The following GPHN variants were observed in gnomAD, a reference collection of about 807,000 sequenced individuals.
GPHN encodes the protein gephyrin.
In GPHN, 17 loss-of-function variants were observed where a neutral mutation model predicts 95.5. The observed-to-expected ratio is 0.18, with a 90% CI of 0.12 to 0.27. The LOEUF is 0.27. Among genes scored for constraint, GPHN ranks in the 10% least tolerant of loss-of-function variants. GPHN has a pLI of 1.00. For missense variants in GPHN, 660 were observed against 978.1 expected, an observed-to-expected ratio of 0.67 and a Z score of 4.34; for synonymous variants, 320 against 322.5, an observed-to-expected ratio of 0.99 and a Z score of 0.08.
chr14:66,751,700 C>G (rs930972694), intron 2 of GPHN, among the ~76,000 whole-genome samples: 2 of 151,768 alleles, frequency 1.3e-5, no homozygotes, highest in African/African-American at 2.4e-5. Flanking sequence ...TTTGTAGAGC[C>G]CTGCAGGATA....
the GPHN span, among the ~76,000 whole-genome samples, chr14:67,522,838 G>A: frequency 6.6e-6 from 1 of 152,136 alleles, no homozygotes; most frequent in Non-Finnish European, 1.5e-5. Context: ...TACCCTCCTT[G>A]TCCTGGACCT....
intron 1 of GPHN, among the ~76,000 whole-genome samples, chr14:66,578,432 T>C (rs1595057081): frequency 1.3e-5 from 2 of 151,686 alleles, no homozygotes; most frequent in Non-Finnish European, 2.9e-5. Flanking sequence ...ATTCATAAAC[T>C]AGGGACAGAT....
Position 66,774,297 on chromosome 14 carries a change from C to T in GPHN, c.144-2167C>T, listed in dbSNP as rs558105017. Reference sequence around the variant, plus strand: ...GATTACAGGCATGAGCCACCGCGCCCGGCCATATCTACAAGGTTTTAATGT... The same window carrying T: ...GATTACAGGCATGAGCCACCGCGCCTGGCCATATCTACAAGGTTTTAATGT... On this transcript the variant is annotated intron_variant, in intron 2 of 22. Transcript: ENST00000478722. 2.0e-3 allele frequency among the ~76,000 whole-genome samples: 297 copies of T among 152,200 alleles called. 1 individual carries two copies. Among genetic ancestry groups the T allele is most frequent in the African/African-American group, 6.6e-3 (273 of 41,540 alleles).
chr14:67,224,259 C>CTTTT, the GPHN span, among the ~76,000 whole-genome samples: 1 of 134,800 alleles, frequency 7.4e-6, no homozygotes, highest in Admixed American at 7.5e-5. Context: ...TCTCTCTTTT[C>CTTTT]TTTTTTTTTT....
the GPHN span, among the ~76,000 whole-genome samples, chr14:67,346,387 C>T: frequency 6.6e-6 from 1 of 152,254 alleles, no homozygotes; most frequent in African/African-American, 2.4e-5. Context: ...TCTCAGCTCA[C>T]TGTAAGCTCC....
At chr14:66,914,136 C>A (rs2153557281) in intron 5 of GPHN, among the ~76,000 whole-genome samples, 1 of 152,040 alleles carries the variant, frequency 6.6e-6, no homozygotes, top group Middle Eastern at 3.4e-3. Context: ...TGCATACATA[C>A]ACACACACAG....
At chr14:67,260,072 T>G in the GPHN span, among the ~76,000 whole-genome samples, 1 of 152,298 alleles carries the variant, frequency 6.6e-6, no homozygotes, top group Admixed American at 6.5e-5. Flanking sequence ...AAGGAAAATA[T>G]TAGTTTAATA....
chr14:66,636,979 T>C (rs1222090889), intron 1 of GPHN, among the ~76,000 whole-genome samples: 3 of 152,180 alleles, frequency 2.0e-5, no homozygotes, highest in African/African-American at 7.2e-5. Context: ...GAACAGGATA[T>C]AGGAATCTCC....
At chr14:67,648,478 TA>T in the GPHN span, 1 of 225,452 alleles carries the variant, frequency 4.4e-6, no homozygotes, top group African/African-American at 2.3e-5. Flanking sequence ...TTGAGTTATC[TA>T]AAGGCAGATT....
At chr14:67,277,811 C>T in the GPHN span, among the ~76,000 whole-genome samples, 1 of 152,072 alleles carries the variant, frequency 6.6e-6, no homozygotes, top group South Asian at 2.1e-4. Context: ...AAACTCAGAA[C>T]TGTCAATCCT....
chr14:66,616,340 C>T lies in GPHN; in HGVS notation c.65-64767C>T, dbSNP rs574910251. ...CATTTTTTCATTGATTCTTTCTCAT[C>T]TTTGTGAGTTTGTCCAGTTTGATCT... On this transcript the variant is annotated intron_variant, in intron 1 of 22. Coordinates refer to ENST00000478722, the MANE Select transcript of GPHN (RefSeq NM_020806.5). Among the ~76,000 whole-genome samples, 15 of 124,012 alleles carry T rather than the reference C, an allele frequency of 1.2e-4. No individual in the cohort carries two copies. The East Asian group carries it at 2.6e-3, about 22-fold the overall frequency. The allele number at this position is 124,012 out of a possible 152,430, so 81.4% of individuals were successfully genotyped here.
At chr14:67,215,864 C>T in the GPHN span, among the ~76,000 whole-genome samples, 1 of 152,072 alleles carries the variant, frequency 6.6e-6, no homozygotes, top group Non-Finnish European at 1.5e-5. Flanking sequence ...AAAATCATAC[C>T]ACAAATCAAA....
chr14:66,600,900 T>G (rs1448512705), intron 1 of GPHN, among the ~76,000 whole-genome samples: 2 of 152,088 alleles, frequency 1.3e-5, no homozygotes, highest in Non-Finnish European at 2.9e-5. Flanking sequence ...CCACAAATTA[T>G]TGCCAAAGTG....
chr14:67,382,805 A>G, the GPHN span: 55 of 548,260 alleles, frequency 1.0e-4, no homozygotes, highest in African/African-American at 9.2e-4. Flanking sequence ...TTGAATTTGC[A>G]TGTGGCATGT....
chr14:67,658,424 C>A, the GPHN span, among the ~76,000 whole-genome samples: 1 of 151,938 alleles, frequency 6.6e-6, no homozygotes, highest in Non-Finnish European at 1.5e-5. Flanking sequence ...GAAACCCCGT[C>A]TCTACTAAAA....
chr14:67,514,831 C>T, the GPHN span, among the ~76,000 whole-genome samples: 1 of 152,176 alleles, frequency 6.6e-6, no homozygotes, highest in South Asian at 2.1e-4. Context: ...CCCCCCTGTG[C>T]GCCCATCCCC....
intron 9 of GPHN, among the ~76,000 whole-genome samples, chr14:66,999,609 A>C (rs1320915512): frequency 6.6e-6 from 1 of 151,886 alleles, no homozygotes; most frequent in Non-Finnish European, 1.5e-5. Context: ...TTGTGAATGT[A>C]ATGAGATCAG....
the GPHN span, among the ~76,000 whole-genome samples, chr14:67,255,746 T>TC: frequency 6.6e-6 from 1 of 152,244 alleles, no homozygotes; most frequent in Non-Finnish European, 1.5e-5. Flanking sequence ...AGTAGTGCAA[T>TC]CTGGGCTCAC....
the GPHN span, among the ~76,000 whole-genome samples, chr14:67,531,382 T>C: frequency 6.6e-6 from 1 of 152,126 alleles, no homozygotes; most frequent in Non-Finnish European, 1.5e-5. Flanking sequence ...AAATTCCTAA[T>C]GTAGGGTTCA....
Sources: allele counts gnomAD v4.1 joint callset (sites outside exome capture counted in the v4.1 genomes callset), GRCh38; gene constraint gnomAD v4.1.1; transcripts MANE v1.5; gene names NCBI Gene and HGNC (gene_info 2026-07-23, HGNC 2026-07-21).